RHOH: variants seen among roughly 807,000 people sequenced by gnomAD.
RHOH encodes the protein ras homolog family member H, also known as rho-related GTP-binding protein RhoH.
In RHOH, 6 loss-of-function variants were observed where a neutral mutation model predicts 13.8. That is an observed-to-expected ratio of 0.44 (90% confidence interval 0.24 to 0.86). The LOEUF is 0.86. Among genes scored for constraint, RHOH ranks in the 40% least tolerant of loss-of-function variants. The pLI, the probability that RHOH is intolerant of heterozygous loss-of-function variation, is 0.24. For missense variants in RHOH, 147 were observed against 244.5 expected (o/e 0.60, Z 2.66); for synonymous variants, 117 against 103.0 (o/e 1.14, Z -0.82).
chr4:40,206,297 AC>A (rs1252806309), intron 1 of RHOH, among the ~76,000 whole-genome samples: 1 of 151,774 alleles, frequency 6.6e-6, no homozygotes, highest in Non-Finnish European at 1.5e-5. Flanking sequence ...CTTACTACGA[AC>A]CTTTTTCTCC....
intron 1 of RHOH, chr4:40,209,397 G>A (rs973652312): frequency 6.6e-6 from 1 of 152,128 alleles, no homozygotes; most frequent in Admixed American, 6.5e-5. Context: ...GAATACAGAC[G>A]ATTATTTCTA....
chr4:40,229,240 A>ATGC (rs1727604745), intron 1 of RHOH, among the ~76,000 whole-genome samples: 1 of 152,210 alleles, frequency 6.6e-6, no homozygotes, highest in African/African-American at 2.4e-5. Flanking sequence ...TTCCATGAAC[A>ATGC]TGCCTTCAAA....
At chr4:40,229,440 A>T (rs1207686720) in intron 1 of RHOH, among the ~76,000 whole-genome samples, 5 of 152,114 alleles carry the variant, frequency 3.3e-5, no homozygotes, top group African/African-American at 9.7e-5. Flanking sequence ...GTTTGAGACC[A>T]GCCTGACCAA....
rs1726203438 is a variant in RHOH, at chr4:40,218,945, T to C, written c.-331+21645T>C. 6.6e-6 allele frequency among the ~76,000 whole-genome samples: 1 copy of C among 152,230 alleles called. No individual in the cohort carries two copies. Among genetic ancestry groups the C allele is most frequent in the Non-Finnish European group, 1.5e-5 (1 of 68,046 alleles). The stretch of plus-strand genomic sequence containing the variant: ...GACTCTTCATTTATATTTAATATTA[T>C]ATTTGTATTTTAAGATTGATCCATA... On this transcript the variant is annotated intron_variant, in intron 1 of 2. Coordinates refer to ENST00000381799, the MANE Select transcript of RHOH (RefSeq NM_004310.5). This position sits in a 1 kb window ranked among gnomAD's most constrained non-coding sequence, Gnocchi z 4.1.
rs144286918 is a variant in RHOH at position 40,225,082 on chromosome 4, G to T, written c.-330-17632G>T. Among the ~76,000 whole-genome samples the T allele has an allele frequency of 2.1e-3, 323 of 152,050 alleles. 5 individuals are homozygous for T. The East Asian group carries it at 0.046, about 22-fold the overall frequency. On this transcript the variant is annotated intron_variant, in intron 1 of 2. Transcript: ENST00000381799. ...TGCTACCATGCCCAACTAATTAAAA[G>T]AACTTTTTGGTAGAGATGTTTGTTC... is the stretch of plus-strand genomic sequence containing the variant.
At chr4:40,196,136 T>A (rs1238814665), upstream of RHOH, among the ~76,000 whole-genome samples, 2 of 152,194 alleles carry the variant, frequency 1.3e-5, no homozygotes, top group Non-Finnish European at 2.9e-5. Flanking sequence ...CCAGCTCAAT[T>A]AAACTCAAAT....
At chr4:40,215,065 G>A (rs1345063558) in intron 1 of RHOH, among the ~76,000 whole-genome samples, 1 of 152,198 alleles carries the variant, frequency 6.6e-6, no homozygotes, top group African/African-American at 2.4e-5. Flanking sequence ...CTGAGGGTAA[G>A]AGGTGAAGCC....
chr4:40,243,297 C>T lies in RHOH; in HGVS notation c.-90C>T, dbSNP rs901901308. 7.6e-6 allele frequency: 9 copies of T among 1,185,268 alleles called. No individual in the cohort carries two copies. The African/African-American group carries it at 1.4e-4, about 18-fold the overall frequency. 73.4% of individuals were successfully genotyped at this position (1,185,268 alleles called of 1,614,324 possible). ...ACACAGACCTACCTGGCTTGCATTC[C>T]CCTTGCTGAATGGCGTGTGCTGCAG... On this transcript the variant is annotated 5_prime_UTR_variant, in exon 3 of 3. Transcript: ENST00000381799. The surrounding 1 kb of genome is among the most constrained non-coding windows in gnomAD (Gnocchi z 6.2).
At chr4:40,238,873 A>G (rs1051329557) in intron 1 of RHOH, among the ~76,000 whole-genome samples, 3 of 152,168 alleles carry the variant, frequency 2.0e-5, no homozygotes, top group African/African-American at 7.2e-5. Flanking sequence ...CCTTTTAGGG[A>G]GAATTTCTTT....
intron 1 of RHOH, among the ~76,000 whole-genome samples, chr4:40,208,776 A>T (rs1483290744): frequency 6.6e-6 from 1 of 152,192 alleles, no homozygotes; most frequent in African/African-American, 2.4e-5. Flanking sequence ...TGCTAATAAT[A>T]GAGAAACCAA....
chr4:40,209,691 C>T (rs1323338327), intron 1 of RHOH: 1 of 152,242 alleles, frequency 6.6e-6, no homozygotes, highest in Non-Finnish European at 1.5e-5. Flanking sequence ...ATTCACCCAC[C>T]TCGGCCTCCC....
chr4:40,200,813 CG>C (rs1440085076), intron 1 of RHOH, among the ~76,000 whole-genome samples: 4 of 152,110 alleles, frequency 2.6e-5, no homozygotes, highest in Admixed American at 2.6e-4. Flanking sequence ...TATATTATTC[CG>C]GGGCAGCCCA....
chr4:40,201,634 A>G (rs1723999228), intron 1 of RHOH, among the ~76,000 whole-genome samples: 1 of 152,160 alleles, frequency 6.6e-6, no homozygotes. Context: ...ATCAGCAAAC[A>G]CAATAAATCA....
At chr4:40,202,636 G>A (rs1266546307) in intron 1 of RHOH, among the ~76,000 whole-genome samples, 1 of 152,200 alleles carries the variant, frequency 6.6e-6, no homozygotes, top group Non-Finnish European at 1.5e-5. Context: ...GGAGTTTGGA[G>A]CTAGGCAGTG....
At chr4:40,233,599 T>C (rs1454936846) in intron 1 of RHOH, among the ~76,000 whole-genome samples, 1 of 152,184 alleles carries the variant, frequency 6.6e-6, no homozygotes, top group Non-Finnish European at 1.5e-5. Context: ...AAGACCAAAT[T>C]GAAAATATTT....
chr4:40,244,119 T>A lies in RHOH; in HGVS notation c.*157T>A. On this transcript the variant is annotated 3_prime_UTR_variant, in exon 3 of 3. Coordinates refer to ENST00000381799, the MANE Select transcript of RHOH (RefSeq NM_004310.5). ...TTATTGATGAGGCTTGGCCACTGGA[T>A]GTTTTCACTAACTACACTCTACAAG... The A allele has an allele frequency of 1.6e-6, 1 of 610,418 alleles. No individual in the cohort carries two copies. 37.8% of individuals were successfully genotyped at this position (610,418 alleles called of 1,614,324 possible).
rs1727934337 is a variant in RHOH at position 40,231,457 on chromosome 4, G to C, written c.-330-11257G>C. The stretch of plus-strand genomic sequence containing the variant: ...CTTCCCCTTCATTCAGTAAACGATA[G>C]CCTTGTCATATGACGGCAGCCTGTG... On this transcript the variant is annotated intron_variant, in intron 1 of 2. Transcript: ENST00000381799. Among the ~76,000 whole-genome samples the C allele has an allele frequency of 4.6e-5, 7 of 151,720 alleles. No homozygotes were observed. The South Asian group carries it at 1.5e-3, about 32-fold the overall frequency.
intron 1 of RHOH, among the ~76,000 whole-genome samples, chr4:40,241,019 A>C (rs1354136845): frequency 6.6e-6 from 1 of 152,082 alleles, no homozygotes; most frequent in Non-Finnish European, 1.5e-5. Flanking sequence ...TAATTAAATT[A>C]AATTAAAAAA....
chr4:40,241,776 GCTACT>G (rs1271363896), intron 1 of RHOH, among the ~76,000 whole-genome samples: 2 of 152,100 alleles, frequency 1.3e-5, no homozygotes, highest in Non-Finnish European at 2.9e-5. Context: ...TGTAGTCCCA[GCTACT>G]CGGGAGGCTG....
Sources: allele counts gnomAD v4.1 joint callset (sites outside exome capture counted in the v4.1 genomes callset), GRCh38; gene constraint gnomAD v4.1.1; non-coding constraint Gnocchi (gnomAD v3.1); transcripts MANE v1.5; gene names NCBI Gene and HGNC (gene_info 2026-07-23, HGNC 2026-07-21).